The following FGD4 variants were observed in gnomAD, a reference collection of about 807,000 sequenced individuals.
FGD4 encodes FYVE, RhoGEF and PH domain-containing protein 4.
A neutral mutation model predicts 102.0 loss-of-function variants in FGD4; 42 were observed. The ratio of observed to expected loss-of-function variants is 0.41; its 90% confidence interval spans 0.32 to 0.53. The LOEUF (loss-of-function observed/expected upper bound fraction) is 0.53, where lower values mean the gene tolerates loss of function less well. FGD4 is among the 20% of genes least tolerant of loss of function. The pLI is 0.21. For synonymous variants in FGD4, 380 were observed against 375.7 expected (o/e 1.01, Z -0.13); for missense variants, 902 against 1,078.2 (o/e 0.84, Z 2.29).
chr12:32,619,964 A>G, intron 11 of FGD4, 94 bp downstream of exon 11: 1 of 1,410,868 alleles, frequency 7.1e-7, no homozygotes, highest in Non-Finnish European at 9.9e-7. Flanking sequence ...TCTCAAGTGA[A>G]TGCTGCATAT....
Position 32,643,129 on chromosome 12 carries a change from T to C in FGD4, c.*2596T>C, listed in dbSNP as rs1350188560. The C allele has an allele frequency of 1.3e-5, 2 of 152,530 alleles. No individual in the cohort carries two copies. The highest frequency in any genetic ancestry group is 4.8e-5 in the African/African-American group (2 of 41,456). The allele number at this position is 152,530 out of a possible 1,614,324, so 9.4% of individuals were successfully genotyped here. ...CAAAATTTCTATTCATTATAAAACA[T>C]TTCAATATTTTAAGCTTAAATTTTG... On this transcript the variant is annotated 3_prime_UTR_variant, in exon 17 of 17. Coordinates refer to ENST00000534526, the MANE Select transcript of FGD4 (RefSeq NM_001370298.3).
chr12:32,619,458 C>T (rs1230710203), intron 10 of FGD4, among the ~76,000 whole-genome samples: 2 of 151,850 alleles, frequency 1.3e-5, no homozygotes, highest in African/African-American at 4.8e-5. Context: ...GAAACCCTGT[C>T]TCTACTAAAA....
At chr12:32,600,510 G>T in intron 5 of FGD4, 10 of 1,227,540 alleles carry the variant, frequency 8.1e-6, no homozygotes, top group Non-Finnish European at 1.0e-5. Flanking sequence ...CAATTAAGAG[G>T]TATAGTAGCC....
chr12:32,431,147 A>T (rs372963352), intron 1 of FGD4, among the ~76,000 whole-genome samples: 2 of 152,240 alleles, frequency 1.3e-5, no homozygotes, highest in South Asian at 4.1e-4. Flanking sequence ...TAAAAATCAT[A>T]TAACTCCCAC....
chr12:32,452,918 G>A (rs1021175941), intron 1 of FGD4, among the ~76,000 whole-genome samples: 1 of 151,876 alleles, frequency 6.6e-6, no homozygotes, highest in Admixed American at 6.6e-5. Flanking sequence ...AGCCTAGCAG[G>A]TCGAGGGTGC....
At chr12:32,627,345 G>A (rs774613299) in intron 14 of FGD4, among the ~76,000 whole-genome samples, 13 of 151,738 alleles carry the variant, frequency 8.6e-5, no homozygotes, top group Non-Finnish European at 1.3e-4. Flanking sequence ...TAGTACAGAC[G>A]GGGTTTCACC....
In FGD4 at chr12:32,624,595, T is replaced by G. The variant is rs1234408306; in HGVS notation, c.1953+143T>G. On this transcript the variant is annotated intron_variant, in intron 12 of 16. Coordinates refer to ENST00000534526, the MANE Select transcript of FGD4 (RefSeq NM_001370298.3). ...AAGCAAGCCTTGCATCTCAGCCTCTTGAGTAGCTGGGACTATAGGCGTGCA... is the reference window on the plus strand; with the variant it reads ...AAGCAAGCCTTGCATCTCAGCCTCTGGAGTAGCTGGGACTATAGGCGTGCA... The G allele has an allele frequency of 1.2e-5, 9 of 742,022 alleles. No homozygotes were observed. The African/African-American group carries it at 1.6e-4, about 13-fold the overall frequency. 46.0% of individuals were successfully genotyped at this position (742,022 alleles called of 1,614,324 possible).
chr12:32,633,785 A>C, intron 15 of FGD4, 96 bp downstream of exon 15: 149 of 1,098,334 alleles, frequency 1.4e-4, no homozygotes, highest in Middle Eastern at 3.1e-4. Context: ...GCACGATCTC[A>C]GCTCACTGCA....
intron 15 of FGD4, among the ~76,000 whole-genome samples, chr12:32,636,873 CTTT>C (rs1423444464): frequency 7.3e-6 from 1 of 136,080 alleles, no homozygotes. Context: ...TATTTTTTTT[CTTT>C]TTTTTTTTTT....
intron 1 of FGD4, among the ~76,000 whole-genome samples, chr12:32,520,036 C>A (rs141360046): frequency 3.8e-4 from 58 of 152,224 alleles, no homozygotes; most frequent in African/African-American, 1.2e-3. Flanking sequence ...TGAGATATTA[C>A]TATAGATGGA....
intron 1 of FGD4, among the ~76,000 whole-genome samples, chr12:32,480,216 C>T (rs1158077667): frequency 8.0e-5 from 12 of 150,788 alleles, no homozygotes; most frequent in African/African-American, 2.9e-4. Flanking sequence ...AGCTGGAGTG[C>T]CGTGGCATGA....
In FGD4 at chr12:32,641,870, C is replaced by G. The variant is rs1277617235; in HGVS notation, c.*1337C>G. ...ACTCTTTTGTACTTGTGATTAAAAT[C>G]TCACACTAAGTTTACTATTTAACTT... On this transcript the variant is annotated 3_prime_UTR_variant, in exon 17 of 17. Transcript: ENST00000534526. The G allele has an allele frequency of 1.3e-5, 2 of 152,104 alleles. No homozygotes were observed. The highest frequency in any genetic ancestry group is 2.9e-5 in the Non-Finnish European group (2 of 67,992). 9.4% of individuals were successfully genotyped at this position (152,104 alleles called of 1,614,324 possible). A position where few individuals can be genotyped will look rare whatever the true frequency, so the allele number is the denominator to read the frequency against.
intron 1 of FGD4, among the ~76,000 whole-genome samples, chr12:32,561,376 C>T (rs1045256624): frequency 6.6e-6 from 1 of 151,922 alleles, no homozygotes; most frequent in Non-Finnish European, 1.5e-5. Context: ...CATGAGCCAC[C>T]GCACCTGGCC....
Position 32,506,518 on chromosome 12 carries a change from ATTCCTGTTGTGGGTTAGTACAAC to A in FGD4, c.167-57616_167-57594del, listed in dbSNP as rs371894704. 2.4e-4 allele frequency among the ~76,000 whole-genome samples: 36 copies of A among 152,250 alleles called. No individual in the cohort carries two copies. The highest frequency in any genetic ancestry group is 8.2e-4 in the African/African-American group (34 of 41,552). ...ATCTGTCACCTGGGCAGCATCTAGC[ATTCCTGTTGTGGGTTAGTACAAC>A]TTTCCTGTGGGCCTTTCCACAGGTA... On this transcript the variant is annotated intron_variant, in intron 1 of 16. Transcript: ENST00000534526. The surrounding 1 kb of genome is among the most constrained non-coding windows in gnomAD (Gnocchi z 4.5).
chr12:32,639,216 T>G (rs7306370), intron 16 of FGD4, among the ~76,000 whole-genome samples: 1 of 152,026 alleles, frequency 6.6e-6, no homozygotes, highest in Non-Finnish European at 1.5e-5. Context: ...CAGGCTATAG[T>G]GCAATGGTGC....
chr12:32,500,392 TTTTTATTTTA>T (rs56752650), intron 1 of FGD4, among the ~76,000 whole-genome samples: 3,952 of 135,220 alleles, frequency 0.029, 81 homozygotes, highest in East Asian at 0.14. Context: ...TTTTATTTTA[TTTTTATTTTA>T]TTTTATTTTA....
At chr12:32,521,213 C>G (rs1219620750) in intron 1 of FGD4, among the ~76,000 whole-genome samples, 2 of 151,792 alleles carry the variant, frequency 1.3e-5, no homozygotes, top group African/African-American at 4.8e-5. Flanking sequence ...GTGGCAAAAC[C>G]CTGTCTCTAC....
Position 32,399,806 on chromosome 12 carries a change from G to A in FGD4, c.13G>A (p.Gly5Ser). 1 of 1,531,050 alleles carries A rather than the reference G, an allele frequency of 6.5e-7. No individual in the cohort carries two copies. Among genetic ancestry groups the A allele is most frequent in the South Asian group, 1.2e-5 (1 of 83,908 alleles). 94.8% of individuals were successfully genotyped at this position (1,531,050 alleles called of 1,614,324 possible). A position where few individuals can be genotyped will look rare whatever the true frequency, so the allele number is the denominator to read the frequency against. ...CGAGCCCGGCAGGATGAGCGACGAG[G>A]GCGGCTCCAACTTCAGGCGGGTGGC... MSDE[G>S]GSNFRRVAIR... Residue 5 changes from glycine to serine, a missense_variant, in exon 1 of 17, where the codon GGC becomes AGC. Physicochemically the swap from Gly to Ser is moderately conservative, Grantham distance 56 (BLOSUM62 0). Transcript: ENST00000534526.
intron 1 of FGD4, among the ~76,000 whole-genome samples, chr12:32,499,997 C>A (rs567838150): frequency 2.0e-4 from 30 of 152,140 alleles, no homozygotes; most frequent in Non-Finnish European, 2.2e-4. Context: ...CAAAGTGAGA[C>A]CCTATCTCCA....
Sources: gnomAD v4.1 joint callset for allele counts (sites outside exome capture counted in the v4.1 genomes callset) on GRCh38, gnomAD v4.1.1 for gene constraint, Gnocchi (gnomAD v3.1) non-coding constraint, MANE v1.5 for transcripts, NCBI Gene and HGNC (gene_info 2026-07-23, HGNC 2026-07-21) for gene names.